C17orf99: variants seen among roughly 807,000 people sequenced by gnomAD.
C17orf99 encodes the protein protein IL-40.
In C17orf99, 18 loss-of-function variants were observed where a neutral mutation model predicts 22.6. That is an observed-to-expected ratio of 0.80 (90% CI 0.55 to 1.18). The LOEUF (loss-of-function observed/expected upper bound fraction) is 1.18. Ranked by LOEUF, C17orf99 falls within the 50% of genes most tolerant of loss-of-function variation. The pLI is 0.00. For synonymous variants in C17orf99, 147 were observed against 136.6 expected (o/e 1.08, Z -0.53); for missense variants, 328 against 342.7 (o/e 0.96, Z 0.34).
intron 2 of C17orf99, among the ~76,000 whole-genome samples, chr17:78,150,779 G>T (rs1009078377): frequency 6.6e-6 from 1 of 152,074 alleles, no homozygotes; most frequent in Non-Finnish European, 1.5e-5. Context: ...GTGTTGGTTG[G>T]AAGGTTGAGG....
At chr17:78,152,470 G>C (rs1231071465) in intron 2 of C17orf99, among the ~76,000 whole-genome samples, 1 of 151,946 alleles carries the variant, frequency 6.6e-6, no homozygotes, top group Non-Finnish European at 1.5e-5. Flanking sequence ...GAGTAGCTGG[G>C]ATTACAGGCA....
chr17:78,162,135 G>T (rs1000830242), intron 3 of C17orf99, among the ~76,000 whole-genome samples: 1 of 152,056 alleles, frequency 6.6e-6, no homozygotes, highest in Non-Finnish European at 1.5e-5. Flanking sequence ...AATTAGCTGG[G>T]TGTGGTGGTG....
intron 2 of C17orf99, among the ~76,000 whole-genome samples, chr17:78,147,291 C>T (rs1341009469): frequency 6.6e-6 from 1 of 152,142 alleles, no homozygotes; most frequent in African/African-American, 2.4e-5. Flanking sequence ...GGCGAGGCCC[C>T]GTGGAGGGCT....
chr17:78,151,388 C>T (rs2075481529), intron 2 of C17orf99, among the ~76,000 whole-genome samples: 1 of 141,540 alleles, frequency 7.1e-6, no homozygotes, highest in East Asian at 2.2e-4. Flanking sequence ...CGTGCCACTG[C>T]ACTCCAGCCT....
At chr17:78,165,129 T>A in intron 4 of C17orf99, 1 of 1,032,056 alleles carries the variant, frequency 9.7e-7, no homozygotes, top group Non-Finnish European at 1.2e-6. Flanking sequence ...TACTAACATG[T>A]AAAGTGACCA....
intron 2 of C17orf99, among the ~76,000 whole-genome samples, chr17:78,149,224 C>T (rs1209938018): frequency 2.0e-5 from 3 of 149,468 alleles, no homozygotes; most frequent in East Asian, 2.0e-4. Context: ...CCCAGCTACT[C>T]GGGAGGCTGA....
At chr17:78,160,364 TGTCTCTACTA>T (rs1316899251) in intron 2 of C17orf99, among the ~76,000 whole-genome samples, 30 of 151,936 alleles carry the variant, frequency 2.0e-4, no homozygotes, top group African/African-American at 7.0e-4. Context: ...GGTGAAACCC[TGTCTCTACTA>T]AAAATACAAA....
chr17:78,157,798 GAAAAAAAAAAAAAAAA>G (rs60891763), intron 2 of C17orf99: 1 of 382,254 alleles, frequency 2.6e-6, no homozygotes, highest in Non-Finnish European at 4.4e-6. Flanking sequence ...CTCTGTCTCG[GAAAAAAAAAAAAAAAA>G]AAAAAAAAAA....
intron 2 of C17orf99, chr17:78,158,432 C>A (rs2075545997): frequency 4.7e-6 from 1 of 212,012 alleles, no homozygotes; most frequent in Admixed American, 5.3e-5. Context: ...GTAGCTGGGA[C>A]TACGGGCACC....
chr17:78,160,462 G>A (rs1278244588), intron 2 of C17orf99, among the ~76,000 whole-genome samples: 3 of 151,798 alleles, frequency 2.0e-5, no homozygotes, highest in Non-Finnish European at 4.4e-5. Context: ...CTTGAACTCA[G>A]GAGGCGAAGG....
intron 2 of C17orf99, among the ~76,000 whole-genome samples, chr17:78,154,322 G>C (rs1248833501): frequency 5.9e-5 from 9 of 151,998 alleles, no homozygotes. Context: ...GCCAAGGTGG[G>C]TGGATCACCT....
chr17:78,155,419 C>T (rs1377659677), intron 2 of C17orf99, among the ~76,000 whole-genome samples: 1 of 152,048 alleles, frequency 6.6e-6, no homozygotes, highest in Non-Finnish European at 1.5e-5. Context: ...ATTTCACAGA[C>T]CCTTCTTTCT....
Position 78,165,995 on chromosome 17 carries a change from G to C in C17orf99, c.747G>C (p.Gly249=), listed in dbSNP as rs549659332. 1 of 1,493,612 alleles carries C rather than the reference G, an allele frequency of 6.7e-7. No homozygotes were observed. Among genetic ancestry groups the C allele is most frequent in the African/African-American group, 1.4e-5 (1 of 72,142 alleles). The allele number at this position is 1,493,612 out of a possible 1,614,324, so 92.5% of individuals were successfully genotyped here. ...GTCTGAGTGAAGAGGAGTTTGGGGG[G>C]TTCAGGATAGGGAATGGGGAGGTCA... is the stretch of plus-strand genomic sequence containing the variant. ...TRRLSEEEFG[G]FRIGNGEVRG... The change falls in exon 5 of 5, where the codon GGG becomes GGC. Residue 249 remains glycine (G), a synonymous_variant. Transcript: ENST00000340363.
chr17:78,158,357 C>A (rs1342784054), intron 2 of C17orf99, among the ~76,000 whole-genome samples: 1 of 152,042 alleles, frequency 6.6e-6, no homozygotes, highest in Non-Finnish European at 1.5e-5. Flanking sequence ...TGCAGTGGCA[C>A]CATCTCGGCT....
chr17:78,146,329 C>T (rs2075437122), upstream of C17orf99: 2 of 1,379,290 alleles, frequency 1.5e-6, no homozygotes, highest in Non-Finnish European at 2.0e-6. This position sits in a 1 kb window ranked among gnomAD's most constrained non-coding sequence, Gnocchi z 5.2. Flanking sequence ...CAGGGAGCAT[C>T]CCAGGGGCCT....
intron 3 of C17orf99, among the ~76,000 whole-genome samples, chr17:78,163,045 A>G (rs545416172): frequency 1.3e-5 from 2 of 152,328 alleles, no homozygotes; most frequent in African/African-American, 4.8e-5. Flanking sequence ...TAGGCCTCCT[A>G]AAGTGCTGGG....
intron 2 of C17orf99, among the ~76,000 whole-genome samples, chr17:78,149,098 G>A (rs887251639): frequency 2.0e-5 from 3 of 152,042 alleles, no homozygotes; most frequent in Admixed American, 6.6e-5. Flanking sequence ...TTGGGAGGCC[G>A]AGGCAGGCAG....
chr17:78,164,883 G>T, intron 4 of C17orf99: 1 of 1,178,572 alleles, frequency 8.5e-7, no homozygotes, highest in Non-Finnish European at 1.1e-6. Flanking sequence ...AGGCGTTATC[G>T]GACCCTGACC....
At chr17:78,160,547 A>AAGAG (rs1555598430) in intron 2 of C17orf99, among the ~76,000 whole-genome samples, 44 of 143,542 alleles carry the variant, frequency 3.1e-4, no homozygotes, top group East Asian at 2.2e-3. Flanking sequence ...AAAAAAAAAA[A>AAGAG]AGAGAGAGAG....
Sources: gnomAD v4.1 joint callset for allele counts (sites outside exome capture counted in the v4.1 genomes callset) on GRCh38, gnomAD v4.1.1 for gene constraint, Gnocchi (gnomAD v3.1) non-coding constraint, MANE v1.5 for transcripts, NCBI Gene and HGNC (gene_info 2026-07-23, HGNC 2026-07-21) for gene names.